APBB2: variants seen among roughly 807,000 people sequenced by gnomAD.
The protein encoded by APBB2 is Fe65-like 1.
Under a neutral mutation model 82.5 loss-of-function variants are expected in APBB2, and 38 were observed. The ratio of observed to expected loss-of-function variants is 0.46; its 90% CI spans 0.36 to 0.60. The LOEUF is 0.60. Ranked by LOEUF, APBB2 falls within the 20% of genes least tolerant of loss-of-function variation. APBB2 has a pLI of 0.00. For missense variants in APBB2, 772 were observed against 972.3 expected (o/e 0.79, Z 2.74); for synonymous variants, 341 against 368.2 (o/e 0.93, Z 0.85).
At chr4:40,960,111 G>A (rs1195601110) in intron 6 of APBB2, among the ~76,000 whole-genome samples, 2 of 152,122 alleles carry the variant, frequency 1.3e-5, no homozygotes, top group South Asian at 2.1e-4. Context: ...TAATGGACAA[G>A]CTTTAATATT....
intron 17 of APBB2, among the ~76,000 whole-genome samples, chr4:40,820,240 T>TA (rs1209640770): frequency 6.6e-6 from 1 of 152,206 alleles, no homozygotes; most frequent in East Asian, 1.9e-4. Context: ...GCTGCTCTCC[T>TA]AGCGTGGACG....
At chr4:40,836,986 C>A (rs142389873) in intron 12 of APBB2, among the ~76,000 whole-genome samples, 224 of 152,324 alleles carry the variant, frequency 1.5e-3, no homozygotes, top group Admixed American at 2.2e-3. Context: ...GGGTTTTTCC[C>A]CAATCCCAGT....
rs1754690523 is a variant in APBB2 at position 41,127,357 on chromosome 4, GCA to G, written c.-261+15628_-261+15629del. Among the ~76,000 whole-genome samples the G allele has an allele frequency of 6.6e-6, 1 of 152,108 alleles. No individual in the cohort carries two copies. The highest frequency in any genetic ancestry group is 2.4e-5 in the African/African-American group (1 of 41,422). ...ACAACACAAGGAAAAAAAAATCAAA[GCA>G]TTCACTTGATATTCCACATCAATAG... On this transcript the variant is annotated intron_variant, in intron 2 of 17. Coordinates refer to ENST00000508593, the MANE Select transcript of APBB2 (RefSeq NM_004307.2). This position sits in a 1 kb window ranked among gnomAD's most constrained non-coding sequence, Gnocchi z 4.8.
chr4:41,137,264 A>G (rs1757835937), intron 2 of APBB2, among the ~76,000 whole-genome samples: 1 of 152,240 alleles, frequency 6.6e-6, no homozygotes, highest in African/African-American at 2.4e-5. Flanking sequence ...CCAGCCTTGT[A>G]AAACCTTCAT....
At chr4:40,882,115 A>C (rs1768799610) in intron 12 of APBB2, among the ~76,000 whole-genome samples, 1 of 152,158 alleles carries the variant, frequency 6.6e-6, no homozygotes, top group Non-Finnish European at 1.5e-5. Flanking sequence ...ACCAGGCAGG[A>C]GACAGAAACC....
Position 41,068,697 on chromosome 4 carries a change from A to G in APBB2, c.-148-3024T>C, listed in dbSNP as rs146166178. On this transcript the variant is annotated intron_variant, in intron 3 of 17. Transcript: ENST00000508593. ...CTATTATAAGCAAAAGATCTGGAAG[A>G]TGTCTTTTCTTAAAATGATCTCAGG... 6.6e-5 allele frequency among the ~76,000 whole-genome samples: 10 copies of G among 151,836 alleles called. No individual in the cohort carries two copies. In the East Asian group the frequency reaches 1.9e-3, roughly 29 times the overall value.
In APBB2 at chr4:40,816,199, G is replaced by A. The variant is rs1306226599; in HGVS notation, c.2173C>T (p.Pro725Ser). The A allele has an allele frequency of 1.2e-6, 2 of 1,614,106 alleles. No homozygotes were observed. The highest frequency in any genetic ancestry group is 2.7e-5 in the African/African-American group (2 of 74,934). Reference protein sequence around the residue: ...PPSQKVRPPPPPADSVTRRVT... With the variant: ...PPSQKVRPPPSPADSVTRRVT... Reference sequence around the variant, plus strand: ...CTTCTGGTTACTGAATCTGCTGGCGGTGGAGGTGGTCGAACTTTCTGAGAA... The same window carrying A: ...CTTCTGGTTACTGAATCTGCTGGCGATGGAGGTGGTCGAACTTTCTGAGAA... The change falls in exon 18 of 18, where the codon CCG becomes TCG. Residue 725 changes from proline to serine, a missense_variant. By Grantham distance (74) the Pro-to-Ser change is moderately conservative. Transcript: ENST00000508593.
At chr4:41,093,918 C>T (rs1350597656) in intron 3 of APBB2, among the ~76,000 whole-genome samples, 2 of 151,886 alleles carry the variant, frequency 1.3e-5, no homozygotes, top group Non-Finnish European at 2.9e-5. Context: ...GTCAGTCTGA[C>T]TCCAGGGCAT....
In APBB2 at chr4:41,093,519, A is replaced by G. The variant is rs535371261; in HGVS notation, c.-149+7120T>C. 5.3e-5 allele frequency among the ~76,000 whole-genome samples: 8 copies of G among 151,994 alleles called. 1 individual carries two copies. The South Asian group carries it at 1.7e-3, about 32-fold the overall frequency. ...ATGATCACAACCTGTTTTCTTACCCATCCTCATTTCCCAGATTTTTTTCTT... is the reference window on the plus strand; with the variant it reads ...ATGATCACAACCTGTTTTCTTACCCGTCCTCATTTCCCAGATTTTTTTCTT... On this transcript the variant is annotated intron_variant, in intron 3 of 17. Coordinates refer to ENST00000508593, the MANE Select transcript of APBB2 (RefSeq NM_004307.2).
At chr4:41,022,678 A>G (rs191845096) in intron 5 of APBB2, among the ~76,000 whole-genome samples, 66 of 152,328 alleles carry the variant, frequency 4.3e-4, no homozygotes, top group African/African-American at 1.6e-3. Context: ...ACCTCCACCA[A>G]CCAGCACAGA....
Position 41,117,304 on chromosome 4 carries a change from T to A in APBB2, c.-260-16554A>T, listed in dbSNP as rs1035592093. 2.0e-4 allele frequency among the ~76,000 whole-genome samples: 30 copies of A among 149,716 alleles called. No individual in the cohort carries two copies. In the East Asian group the frequency reaches 3.5e-3, roughly 17 times the overall value. ...TGTTATTATTATTATTATTTTTTTT[T>A]TTTTTTGAGATGGAGTCTCACTCTG... is the stretch of plus-strand genomic sequence containing the variant. On this transcript the variant is annotated intron_variant, in intron 2 of 17. Transcript: ENST00000508593.
At chr4:40,884,905 CAGAT>C (rs1223169617) in intron 12 of APBB2, among the ~76,000 whole-genome samples, 1 of 152,112 alleles carries the variant, frequency 6.6e-6, no homozygotes, top group Non-Finnish European at 1.5e-5. Flanking sequence ...AGATCATAAT[CAGAT>C]AGAACAATCA....
chr4:41,160,042 T>C (rs1764737702), intron 1 of APBB2, among the ~76,000 whole-genome samples: 1 of 131,420 alleles, frequency 7.6e-6, no homozygotes, highest in South Asian at 2.5e-4. Flanking sequence ...GAAGAAAACA[T>C]CACAGGATGC....
intron 10 of APBB2, among the ~76,000 whole-genome samples, chr4:40,900,698 T>A (rs1226630390): frequency 6.6e-6 from 1 of 151,734 alleles, no homozygotes; most frequent in African/African-American, 2.4e-5. Flanking sequence ...CTCAAGTGAT[T>A]CGCCCATCTG....
chr4:41,054,347 T>C (rs945765373), intron 4 of APBB2, among the ~76,000 whole-genome samples: 5 of 152,314 alleles, frequency 3.3e-5, no homozygotes, highest in South Asian at 4.2e-4. Context: ...AGGGCCACAC[T>C]TGCTACAAGG....
chr4:40,896,704 T>C lies in APBB2; in HGVS notation c.1255-3293A>G, dbSNP rs201197215. Among the ~76,000 whole-genome samples, 9 of 152,344 alleles carry C rather than the reference T, an allele frequency of 5.9e-5. No individual in the cohort carries two copies. The East Asian group carries it at 1.7e-3, about 29-fold the overall frequency. ...GTCCCAATTTTCCCCTCAATAGTTC[T>C]GGGGTATCCCTGTCATTCTGGCAAA... On this transcript the variant is annotated intron_variant, in intron 10 of 17. Coordinates refer to ENST00000508593, the MANE Select transcript of APBB2 (RefSeq NM_004307.2).
At chr4:41,200,819 A>G (rs944022990) in intron 1 of APBB2, among the ~76,000 whole-genome samples, 1 of 152,166 alleles carries the variant, frequency 6.6e-6, no homozygotes, top group African/African-American at 2.4e-5. Flanking sequence ...GGGAATTCCC[A>G]GTGTTACAAT....
intron 12 of APBB2, among the ~76,000 whole-genome samples, chr4:40,847,331 G>A (rs746269985): frequency 6.6e-6 from 1 of 152,096 alleles, no homozygotes; most frequent in Non-Finnish European, 1.5e-5. Flanking sequence ...GCATGGTGGC[G>A]CACACCTGTA....
chr4:41,005,792 G>A (rs1806540112), intron 6 of APBB2, among the ~76,000 whole-genome samples: 1 of 152,206 alleles, frequency 6.6e-6, no homozygotes, highest in Admixed American at 6.5e-5. Flanking sequence ...GAAAAAGAAA[G>A]ATTTTTTACT....
Sources: gnomAD v4.1 joint callset for allele counts (sites outside exome capture counted in the v4.1 genomes callset) on GRCh38, gnomAD v4.1.1 for gene constraint, Gnocchi (gnomAD v3.1) non-coding constraint, MANE v1.5 for transcripts, NCBI Gene and HGNC (gene_info 2026-07-23, HGNC 2026-07-21) for gene names.